Variants in OXR1 observed in about 807,000 individuals in gnomAD.
The protein encoded by OXR1 is oxidation resistance protein 1.
OXR1 carries 41 observed loss-of-function variants against 104.6 expected under a neutral mutation model. That is an observed-to-expected ratio of 0.39 (90% CI 0.31 to 0.51). The LOEUF (loss-of-function observed/expected upper bound fraction) is 0.51, where lower values mean the gene tolerates loss of function less well. Among genes scored for constraint, OXR1 ranks in the 20% least tolerant of loss-of-function variants. OXR1 has a pLI of 0.77. For synonymous variants in OXR1, 348 were observed against 348.4 expected (o/e 1.00, Z 0.01); for missense variants, 955 against 1,031.9 (o/e 0.93, Z 1.02).
At chr8:106,273,611 T>C (rs1204301023) in intron 1 of OXR1, among the ~76,000 whole-genome samples, 1 of 152,246 alleles carries the variant, frequency 6.6e-6, no homozygotes, top group African/African-American at 2.4e-5. Context: ...TTCAATAAGA[T>C]GTGCTTAACA....
chr8:106,608,338 A>G lies in OXR1; in HGVS notation c.221-70872A>G, dbSNP rs117799255. 4.7e-3 allele frequency among the ~76,000 whole-genome samples: 715 copies of G among 152,242 alleles called. 9 individuals are homozygous for G. In the East Asian group the frequency reaches 0.05, roughly 11 times the overall value. ...AAACAAACAAAAACGATGAAAAAAA[A>G]ATCCATTTTATCAAGGCTTACCTGT... On this transcript the variant is annotated intron_variant, in intron 3 of 16. Transcript: ENST00000517566.
At chr8:106,291,263 C>G (rs1178029916) in intron 1 of OXR1, among the ~76,000 whole-genome samples, 1 of 152,062 alleles carries the variant, frequency 6.6e-6, no homozygotes, top group African/African-American at 2.4e-5. Context: ...AACCTGGAAA[C>G]AGGAGACACT....
chr8:106,474,699 C>A (rs1821708749), intron 2 of OXR1, among the ~76,000 whole-genome samples: 1 of 151,872 alleles, frequency 6.6e-6, no homozygotes, highest in Non-Finnish European at 1.5e-5. Flanking sequence ...GTGACAGAGA[C>A]CCCATGGTCT....
intron 3 of OXR1, among the ~76,000 whole-genome samples, chr8:106,594,856 A>C (rs1002152484): frequency 7.2e-5 from 11 of 152,202 alleles, no homozygotes; most frequent in Non-Finnish European, 1.6e-4. Context: ...TGTAAGGGCA[A>C]GTACTACATC....
At chr8:106,662,351 A>G (rs1825847713) in intron 3 of OXR1, among the ~76,000 whole-genome samples, 1 of 152,222 alleles carries the variant, frequency 6.6e-6, no homozygotes, top group African/African-American at 2.4e-5. Flanking sequence ...CTATTTAATA[A>G]TAATATTTTT....
intron 3 of OXR1, among the ~76,000 whole-genome samples, chr8:106,649,920 C>A (rs186213208): frequency 6.6e-6 from 1 of 151,988 alleles, no homozygotes; most frequent in Non-Finnish European, 1.5e-5. Context: ...ATGGTCTCGA[C>A]CTCCTGACTT....
chr8:106,409,096 A>C (rs2130500960), intron 2 of OXR1, among the ~76,000 whole-genome samples: 1 of 152,232 alleles, frequency 6.6e-6, no homozygotes, highest in Admixed American at 6.5e-5. Context: ...GCTCTGCAGA[A>C]GCTTCCTACC....
intron 3 of OXR1, among the ~76,000 whole-genome samples, chr8:106,575,434 G>A (rs1817754670): frequency 1.3e-5 from 2 of 151,900 alleles, no homozygotes; most frequent in African/African-American, 2.4e-5. Flanking sequence ...AATGAAAATG[G>A]ACATTCACAG....
At chr8:106,673,009 A>G (rs1411842522) in intron 3 of OXR1, among the ~76,000 whole-genome samples, 3 of 152,204 alleles carry the variant, frequency 2.0e-5, no homozygotes, top group African/African-American at 7.2e-5. Flanking sequence ...CTAATACAGT[A>G]AATTGGAACT....
intron 1 of OXR1, among the ~76,000 whole-genome samples, chr8:106,341,660 C>G (rs1016607878): frequency 6.6e-6 from 1 of 152,158 alleles, no homozygotes; most frequent in African/African-American, 2.4e-5. Flanking sequence ...TTCTATCCAC[C>G]TGACTGCTAA....
chr8:106,561,702 C>T (rs533046713), intron 3 of OXR1, among the ~76,000 whole-genome samples: 2 of 152,156 alleles, frequency 1.3e-5, no homozygotes, highest in Admixed American at 6.5e-5. Context: ...CAGCAATGGT[C>T]GACAGACACC....
chr8:106,479,680 T>C (rs1251592641), intron 2 of OXR1, among the ~76,000 whole-genome samples: 2 of 152,056 alleles, frequency 1.3e-5, no homozygotes, highest in African/African-American at 4.8e-5. Context: ...TTAATTGACA[T>C]AGGATTTACA....
chr8:106,727,906 T>C (rs1299978041), intron 11 of OXR1, among the ~76,000 whole-genome samples: 1 of 152,168 alleles, frequency 6.6e-6, no homozygotes, highest in Non-Finnish European at 1.5e-5. Context: ...AGTTGAAGCA[T>C]GGAGTGGTCA....
At chr8:106,641,304 A>T (rs1451032194) in intron 3 of OXR1, among the ~76,000 whole-genome samples, 2 of 152,218 alleles carry the variant, frequency 1.3e-5, no homozygotes, top group Non-Finnish European at 2.9e-5. Context: ...CTAGTGAGTG[A>T]AAACGTGGGG....
intron 2 of OXR1, among the ~76,000 whole-genome samples, chr8:106,490,851 C>T (rs1041778550): frequency 3.3e-5 from 5 of 151,912 alleles, no homozygotes; most frequent in African/African-American, 2.4e-5. Flanking sequence ...GCGTGTTTAG[C>T]GTGTGTGGAG....
At chr8:106,694,734 AT>A (rs57678977) in intron 7 of OXR1, among the ~76,000 whole-genome samples, 1,517 of 98,128 alleles carry the variant, frequency 0.015, 77 homozygotes, top group East Asian at 0.06. Flanking sequence ...TTATATATTT[AT>A]ATATATATTT....
At chr8:106,619,600 T>C (rs1255615303) in intron 3 of OXR1, among the ~76,000 whole-genome samples, 1 of 152,170 alleles carries the variant, frequency 6.6e-6, no homozygotes. Context: ...ATGCCAAATA[T>C]TTAATCAATT....
chr8:106,542,340 C>T (rs576933007), intron 3 of OXR1, among the ~76,000 whole-genome samples: 24 of 152,200 alleles, frequency 1.6e-4, no homozygotes, highest in African/African-American at 5.3e-4. Context: ...ACTGGTGTTG[C>T]ACTTGACTGG....
chr8:106,549,244 ATT>A (rs11420902), intron 3 of OXR1, among the ~76,000 whole-genome samples: 20 of 144,106 alleles, frequency 1.4e-4, no homozygotes, highest in Admixed American at 1.4e-4. Context: ...CATATCAAAC[ATT>A]TTTTTTTTTT....
Sources: gnomAD v4.1 joint callset for allele counts (sites outside exome capture counted in the v4.1 genomes callset) on GRCh38, gnomAD v4.1.1 for gene constraint, MANE v1.5 for transcripts, NCBI Gene and HGNC (gene_info 2026-07-23, HGNC 2026-07-21) for gene names.